The following CHI3L2 variants were observed in gnomAD, a reference collection of about 807,000 sequenced individuals.
The protein encoded by CHI3L2 is chitinase-3-like protein 2.
CHI3L2 carries 47 observed loss-of-function variants against 47.3 expected under a neutral mutation model. The observed-to-expected ratio is 0.99, with a 90% CI of 0.79 to 1.27. The LOEUF (loss-of-function observed/expected upper bound fraction) is 1.27. CHI3L2 is among the 50% of genes most tolerant of loss of function. CHI3L2 has a pLI of 0.00. For synonymous variants in CHI3L2, 198 were observed against 169.9 expected (o/e 1.17, Z -1.28); for missense variants, 497 against 462.1 (o/e 1.08, Z -0.69).
chr1:111,229,402 G>T (rs1557705667), intron 1 of CHI3L2, among the ~76,000 whole-genome samples: 1 of 152,128 alleles, frequency 6.6e-6, no homozygotes, highest in African/African-American at 2.4e-5. Flanking sequence ...GAAACCACAG[G>T]CCGGGCGCGG....
chr1:111,230,848 CATCTA>C lies in CHI3L2; in HGVS notation c.178_182del (p.Ile60PhefsTer17). 1 of 1,614,062 alleles carries C rather than the reference CATCTA, an allele frequency of 6.2e-7. No individual in the cohort carries two copies. Among genetic ancestry groups the C allele is most frequent in the Non-Finnish European group, 8.5e-7 (1 of 1,179,940 alleles). On this transcript the variant is annotated frameshift_variant, in exon 3 of 11. Transcript: ENST00000369748. LOFTEE classifies it high-confidence loss of function. Reference sequence around the variant, plus strand: ...TTGACCCCTTCCTATGCTCTCATCTCATCTATTCATTCGCCAGCATCGAAAACAAC... The same window carrying C: ...TTGACCCCTTCCTATGCTCTCATCTCTTCATTCGCCAGCATCGAAAACAAC...
chr1:111,227,710 A>G (rs1224766810), upstream of CHI3L2: 1 of 1,614,020 alleles, frequency 6.2e-7, no homozygotes, highest in Non-Finnish European at 8.5e-7. Flanking sequence ...TGTGTATCCC[A>G]GAAGAAGCTG....
At position 111,231,238 on chromosome 1, in the gene CHI3L2, G is replaced by C; in HGVS notation, c.273G>C (p.Lys91Asn). 6.2e-7 allele frequency: 1 copy of C among 1,608,742 alleles called. No individual in the cohort carries two copies. The highest frequency in any genetic ancestry group is 8.5e-7 in the Non-Finnish European group (1 of 1,175,230). Residue 91 changes from lysine (K) to asparagine (N), a missense_variant and splice_region_variant, in exon 4 of 11, where the codon AAG becomes AAC. Coordinates refer to ENST00000369748, the MANE Select transcript of CHI3L2 (RefSeq NM_004000.3). Reference protein sequence around the residue: ...LYQTINSLKTKNPKLKILLSI... With the variant: ...LYQTINSLKTNNPKLKILLSI... ...TAATCATCTTATTCTTCTACTTCAGGAATCCCAAACTGAAAATTCTCTTGT... is the reference window on the plus strand; with the variant it reads ...TAATCATCTTATTCTTCTACTTCAGCAATCCCAAACTGAAAATTCTCTTGT...
chr1:111,235,903 C>A (rs538188824), intron 6 of CHI3L2, 121 bp from the exon 7 acceptor site: 21 of 1,536,988 alleles, frequency 1.4e-5, no homozygotes, highest in Non-Finnish European at 1.5e-5. Context: ...CAGCCAGGAA[C>A]AACTTCTTTA....
rs191708720 is a variant in CHI3L2 at position 111,236,617 on chromosome 1, G to A, written c.735+464G>A. ...CAGATTCCATTGACTCTTCAAGGTC[G>A]TGTGTTGTGAACTTCCTGGTGATGG... On this transcript the variant is annotated intron_variant, in intron 7 of 10. Coordinates refer to ENST00000369748, the MANE Select transcript of CHI3L2 (RefSeq NM_004000.3). 4.3e-4 allele frequency among the ~76,000 whole-genome samples: 65 copies of A among 151,844 alleles called. No individual in the cohort carries two copies. The East Asian group carries it at 0.011, about 25-fold the overall frequency.
chr1:111,239,017 C>T (rs189746705), intron 8 of CHI3L2, 85 bp downstream of exon 8: 1 of 1,348,918 alleles, frequency 7.4e-7, no homozygotes, highest in East Asian at 2.4e-5. Context: ...AGTAAAGCAT[C>T]CTGAGTGTTG....
Position 111,230,888 on chromosome 1 carries a change from A to T in CHI3L2, c.217A>T (p.Ile73Phe), listed in dbSNP as rs746586788. The T allele has an allele frequency of 4.0e-5, 65 of 1,614,074 alleles. No homozygotes were observed. Among genetic ancestry groups the T allele is most frequent in the Non-Finnish European group, 5.2e-5 (61 of 1,180,034 alleles). The part of the protein sequence containing the change: ...FASIENNKVI[I>F]KDKSEVMLYQ... ...CAGCATCGAAAACAACAAGGTTATCATCAAGGACAAGAGTGAAGTGATGCT... is the reference window on the plus strand; with the variant it reads ...CAGCATCGAAAACAACAAGGTTATCTTCAAGGACAAGAGTGAAGTGATGCT... The change falls in exon 3 of 11, where the codon ATC (isoleucine) becomes TTC (phenylalanine). Residue 73 changes from isoleucine (I) to phenylalanine (F), a missense_variant. Ile to Phe is a conservative substitution (Grantham distance 21). Coordinates refer to ENST00000369748, the MANE Select transcript of CHI3L2 (RefSeq NM_004000.3).
rs1005079077 is a variant in CHI3L2 at position 111,239,028 on chromosome 1, C to T, written c.918+96C>T. 97 of 1,262,362 alleles carry T rather than the reference C, an allele frequency of 7.7e-5. 2 individuals are homozygous for T. Among genetic ancestry groups the T allele is most frequent in the South Asian group, 3.2e-4 (21 of 65,334 alleles). The allele number at this position is 1,262,362 out of a possible 1,614,324, so 78.2% of individuals were successfully genotyped here. On this transcript the variant is annotated intron_variant, in intron 8 of 10. Coordinates refer to ENST00000369748, the MANE Select transcript of CHI3L2 (RefSeq NM_004000.3). ...GCAGAGTAAAGCATCCTGAGTGTTGCGAAGGGGAAAGGGCAGAGTACTACT... is the reference window on the plus strand; with the variant it reads ...GCAGAGTAAAGCATCCTGAGTGTTGTGAAGGGGAAAGGGCAGAGTACTACT...
chr1:111,239,895 T>C (rs1200147848), intron 8 of CHI3L2, among the ~76,000 whole-genome samples: 2 of 152,230 alleles, frequency 1.3e-5, no homozygotes, highest in African/African-American at 2.4e-5. Context: ...AAGGGGTTAT[T>C]GTCAAGGTGG....
At chr1:111,232,114 G>A (rs1659739542) in intron 4 of CHI3L2, among the ~76,000 whole-genome samples, 1 of 152,216 alleles carries the variant, frequency 6.6e-6, no homozygotes, top group Non-Finnish European at 1.5e-5. Flanking sequence ...GCCAGAGTAG[G>A]CAGAGAGAAG....
chr1:111,239,926 A>G (rs550735153), intron 8 of CHI3L2, among the ~76,000 whole-genome samples: 13 of 152,372 alleles, frequency 8.5e-5, no homozygotes, highest in South Asian at 2.1e-4. Context: ...AAATACAGAC[A>G]TAGCTAGTTA....
intron 7 of CHI3L2, among the ~76,000 whole-genome samples, chr1:111,236,410 C>A (rs975162969): frequency 1.3e-5 from 2 of 152,168 alleles, no homozygotes; most frequent in Non-Finnish European, 2.9e-5. Flanking sequence ...GTCCCCCATC[C>A]CAGTCTTCTC....
At chr1:111,242,504 C>A in intron 10 of CHI3L2, 138 bp downstream of exon 10, 2 of 876,388 alleles carry the variant, frequency 2.3e-6, no homozygotes, top group Non-Finnish European at 3.3e-6. Flanking sequence ...GTTTTCTTAG[C>A]AATTAGGCTG....
intron 4 of CHI3L2, among the ~76,000 whole-genome samples, chr1:111,234,559 G>A (rs1389172176): frequency 1.3e-5 from 2 of 152,162 alleles, no homozygotes; most frequent in Non-Finnish European, 2.9e-5. Context: ...TTCTGGAATC[G>A]GACACTGCAA....
chr1:111,233,589 G>A (rs1401971479), intron 4 of CHI3L2, among the ~76,000 whole-genome samples: 1 of 152,046 alleles, frequency 6.6e-6, no homozygotes, highest in African/African-American at 2.4e-5. Context: ...CACCCCGCCC[G>A]GCCAGCCGCC....
intron 4 of CHI3L2, 66 bp downstream of exon 4, chr1:111,231,360 CCTTCTAAGAAGAGATATTAAA>C: frequency 7.9e-7 from 1 of 1,264,226 alleles, no homozygotes; most frequent in Non-Finnish European, 1.1e-6. Flanking sequence ...CATTTTTCCT[CCTTCTAAGAAGAGATATTAAA>C]CTAGGCTTTA....
chr1:111,236,634 T>C (rs1376509260), intron 7 of CHI3L2, among the ~76,000 whole-genome samples: 1 of 144,162 alleles, frequency 6.9e-6, no homozygotes, highest in Non-Finnish European at 1.5e-5. Flanking sequence ...GTGAACTTCC[T>C]GGTGATGGGA....
chr1:111,240,210 A>G (rs1432192604), intron 8 of CHI3L2, among the ~76,000 whole-genome samples: 1 of 152,200 alleles, frequency 6.6e-6, no homozygotes, highest in Non-Finnish European at 1.5e-5. Flanking sequence ...TGAACATGCC[A>G]TCGGCCCATG....
In CHI3L2 at chr1:111,235,780, A is replaced by G. The variant is rs767156425; in HGVS notation, c.605+17A>G. 1.2e-6 allele frequency: 2 copies of G among 1,610,486 alleles called. No homozygotes were observed. Among genetic ancestry groups the G allele is most frequent in the Non-Finnish European group, 1.7e-6 (2 of 1,178,546 alleles). ...ACTGGCAAAGTGAGTACATCAGAGCAACTTTCCATCCCTCTGCTTCCAATT... is the reference window on the plus strand; with the variant it reads ...ACTGGCAAAGTGAGTACATCAGAGCGACTTTCCATCCCTCTGCTTCCAATT... On this transcript the variant is annotated intron_variant, in intron 6 of 10. Coordinates refer to ENST00000369748, the MANE Select transcript of CHI3L2 (RefSeq NM_004000.3).
Sources: gnomAD v4.1 joint callset for allele counts (sites outside exome capture counted in the v4.1 genomes callset) on GRCh38, gnomAD v4.1.1 for gene constraint, MANE v1.5 for transcripts, NCBI Gene and HGNC (gene_info 2026-07-23, HGNC 2026-07-21) for gene names.